UNC13C: variants seen among roughly 807,000 people sequenced by gnomAD.
The protein encoded by UNC13C is protein unc-13 homolog C.
A neutral mutation model predicts 245.4 loss-of-function variants in UNC13C; 174 were observed. The observed-to-expected ratio is 0.71, with a 90% CI of 0.63 to 0.80. The LOEUF is 0.80. Among genes scored for constraint, UNC13C ranks in the 30% least tolerant of loss-of-function variants. The pLI, the probability that UNC13C is intolerant of heterozygous loss-of-function variation, is 0.00. For synonymous variants in UNC13C, 992 were observed against 895.1 expected (o/e 1.11, Z -1.93); for missense variants, 2,829 against 2,602.9 (o/e 1.09, Z -1.89).
At chr15:53,846,714 A>G in the UNC13C span, among the ~76,000 whole-genome samples, 13 of 152,360 alleles carry the variant, frequency 8.5e-5, no homozygotes, top group African/African-American at 2.6e-4. Flanking sequence ...ATTGTACTAT[A>G]TAGAAGAGAT....
chr15:54,315,846 G>T (rs1243187990), intron 13 of UNC13C, among the ~76,000 whole-genome samples: 1 of 151,664 alleles, frequency 6.6e-6, no homozygotes, highest in African/African-American at 2.4e-5. Context: ...TCCCCATCCT[G>T]CTCTCCTTAT....
At chr15:54,430,656 T>G (rs1370380376) in intron 19 of UNC13C, among the ~76,000 whole-genome samples, 1 of 151,696 alleles carries the variant, frequency 6.6e-6, no homozygotes, top group Non-Finnish European at 1.5e-5. Context: ...GGAGTTATCT[T>G]AAGTCTTGTT....
At position 54,213,906 on chromosome 15, in the gene UNC13C, A is replaced by G. The variant is rs550575854; in HGVS notation, c.3072-21124A>G. ...CAATGGCACCAGAAGTTTACCAGCC[A>G]AAGGCATTGAGATCACATATCCAAG... On this transcript the variant is annotated intron_variant, in intron 4 of 32. Transcript: ENST00000260323. 2.0e-5 allele frequency among the ~76,000 whole-genome samples: 3 copies of G among 152,184 alleles called. No individual in the cohort carries two copies. The South Asian group carries it at 6.2e-4, about 32-fold the overall frequency.
intron 30 of UNC13C, among the ~76,000 whole-genome samples, chr15:54,605,023 A>C (rs996615631): frequency 2.6e-5 from 4 of 152,214 alleles, no homozygotes; most frequent in Non-Finnish European, 5.9e-5. Flanking sequence ...TCATCTCCAA[A>C]GGATGCTGCA....
chr15:54,117,523 T>TTCTCTCTCTCTCTCTCTCTC (rs56332846), intron 2 of UNC13C, among the ~76,000 whole-genome samples: 1 of 102,040 alleles, frequency 9.8e-6, no homozygotes, highest in African/African-American at 4.0e-5. Flanking sequence ...ACTATTATGT[T>TTCTCTCTCTCTCTCTCTCTC]TCTCTCTCTC....
At chr15:54,532,808 C>G (rs748397865) in intron 25 of UNC13C, 109 bp from the exon 26 acceptor site, 3 of 709,894 alleles carry the variant, frequency 4.2e-6, no homozygotes, top group Non-Finnish European at 6.8e-6. Context: ...AACTCATGAG[C>G]AGGGGAATTC....
the UNC13C span, among the ~76,000 whole-genome samples, chr15:53,910,410 T>C: frequency 6.8e-6 from 1 of 146,160 alleles, no homozygotes. Flanking sequence ...ATGTAACCTG[T>C]TTTTGTAAGT....
intron 2 of UNC13C, among the ~76,000 whole-genome samples, chr15:54,116,026 A>G (rs1279589922): frequency 6.6e-6 from 1 of 152,162 alleles, no homozygotes; most frequent in African/African-American, 2.4e-5. Flanking sequence ...ATATACATAT[A>G]AAATTTACCA....
intron 2 of UNC13C, among the ~76,000 whole-genome samples, chr15:54,031,237 A>G (rs138188349): frequency 0.012 from 1,820 of 152,288 alleles, 22 homozygotes; most frequent in Non-Finnish European, 0.017. Flanking sequence ...GGCATTGGAA[A>G]TTCAGAAGGG....
chr15:54,366,069 A>C (rs963264269), intron 17 of UNC13C, among the ~76,000 whole-genome samples: 2 of 152,224 alleles, frequency 1.3e-5, no homozygotes, highest in African/African-American at 4.8e-5. Flanking sequence ...TATTGCTTGG[A>C]TATATTATTT....
At chr15:54,331,213 T>A (rs890452459) in intron 14 of UNC13C, among the ~76,000 whole-genome samples, 27 of 152,066 alleles carry the variant, frequency 1.8e-4, no homozygotes, top group African/African-American at 6.5e-4. Flanking sequence ...TAATCTTACC[T>A]CTCCCATTTT....
At chr15:54,587,180 T>G (rs74358309) in intron 30 of UNC13C, among the ~76,000 whole-genome samples, 1 of 152,018 alleles carries the variant, frequency 6.6e-6, no homozygotes, top group Admixed American at 6.6e-5. Context: ...CAAATACTTA[T>G]AAGGTGAAAT....
At chr15:54,567,020 A>T (rs1393212076) in intron 29 of UNC13C, among the ~76,000 whole-genome samples, 1 of 152,128 alleles carries the variant, frequency 6.6e-6, no homozygotes, top group African/African-American at 2.4e-5. Flanking sequence ...ACAGGTAGAA[A>T]AAAACATCCT....
intron 18 of UNC13C, among the ~76,000 whole-genome samples, chr15:54,398,519 A>T (rs2040117401): frequency 6.6e-6 from 1 of 151,354 alleles, no homozygotes. Flanking sequence ...GTTTTTATAA[A>T]ATTTGACATT....
chr15:54,467,855 T>C (rs949060003), intron 19 of UNC13C, among the ~76,000 whole-genome samples: 1 of 151,730 alleles, frequency 6.6e-6, no homozygotes, highest in African/African-American at 2.4e-5. Context: ...TTTAAATCCA[T>C]TCATTAAATG....
chr15:53,986,042 A>C (rs906596357), intron 1 of UNC13C, among the ~76,000 whole-genome samples: 1 of 152,054 alleles, frequency 6.6e-6, no homozygotes, highest in Non-Finnish European at 1.5e-5. Flanking sequence ...ACAATTATGG[A>C]AAGAAATCCA....
At chr15:53,852,796 A>G in the UNC13C span, among the ~76,000 whole-genome samples, 1 of 152,146 alleles carries the variant, frequency 6.6e-6, no homozygotes, top group East Asian at 1.9e-4. Flanking sequence ...TTTTCTAATT[A>G]TGGCAGGAGA....
intron 31 of UNC13C, among the ~76,000 whole-genome samples, chr15:54,623,115 T>A (rs1043006049): frequency 1.2e-4 from 18 of 152,110 alleles, no homozygotes; most frequent in African/African-American, 4.1e-4. Flanking sequence ...TAATGAATAT[T>A]TTGCAGTAGT....
intron 4 of UNC13C, among the ~76,000 whole-genome samples, chr15:54,185,670 G>A (rs1395316856): frequency 1.4e-5 from 2 of 147,122 alleles, no homozygotes; most frequent in South Asian, 2.1e-4. Flanking sequence ...TTTGGTTACT[G>A]TAGCCTTGTA....
Sources: allele counts gnomAD v4.1 joint callset (sites outside exome capture counted in the v4.1 genomes callset), GRCh38; gene constraint gnomAD v4.1.1; transcripts MANE v1.5; gene names NCBI Gene and HGNC (gene_info 2026-07-23, HGNC 2026-07-21).